NUP62CL: variants seen among roughly 807,000 people sequenced by gnomAD.
NUP62CL encodes nucleoporin-62 C-terminal-like protein.
NUP62CL carries 13 observed loss-of-function variants against 15.3 expected under a neutral mutation model. That is an observed-to-expected ratio of 0.85 (90% CI 0.55 to 1.35). NUP62CL has a LOEUF of 1.35. NUP62CL is among the 40% of genes most tolerant of loss of function. NUP62CL has a pLI of 0.00. For synonymous variants in NUP62CL, 54 were observed against 49.2 expected (o/e 1.10, Z -0.41); for missense variants, 123 against 130.6 (o/e 0.94, Z 0.28).
At chrX:107,201,007 A>AG (rs1303158229) in intron 1 of NUP62CL, among the ~76,000 whole-genome samples, 1 of 111,600 alleles carries the variant, frequency 9.0e-6, no homozygotes, top group African/African-American at 3.3e-5. Context: ...GTTGTCATAT[A>AG]AAGATCTCAA....
intron 7 of NUP62CL, among the ~76,000 whole-genome samples, chrX:107,149,045 A>T (rs1351913699): frequency 9.0e-6 from 1 of 111,726 alleles, no homozygotes; most frequent in Non-Finnish European, 1.9e-5. Context: ...TTACCCTTTA[A>T]TTGACTCATC....
chrX:107,160,613 C>G (rs1432634835), intron 4 of NUP62CL, among the ~76,000 whole-genome samples: 1 of 111,146 alleles, frequency 9.0e-6, no homozygotes, highest in Non-Finnish European at 1.9e-5. Context: ...TTCCTTACAC[C>G]TTATACAAAA....
chrX:107,195,152 C>T (rs890368573), intron 1 of NUP62CL, among the ~76,000 whole-genome samples: 3 of 111,201 alleles, frequency 2.7e-5, no homozygotes, highest in African/African-American at 9.8e-5. Flanking sequence ...ACTTCTATGC[C>T]ACCAGGAGCA....
chrX:107,158,970 T>G (rs1249932097), intron 4 of NUP62CL, among the ~76,000 whole-genome samples: 1 of 44,668 alleles, frequency 2.2e-5, no homozygotes, highest in Non-Finnish European at 3.2e-5. Flanking sequence ...CCCACAGAAA[T>G]ACAAACTACC....
chrX:107,183,364 A>C (rs1926962140), intron 2 of NUP62CL, among the ~76,000 whole-genome samples: 1 of 110,994 alleles, frequency 9.0e-6, no homozygotes, highest in African/African-American at 3.3e-5. Flanking sequence ...TGGGAGGCTG[A>C]GGTGGGAGGA....
At chrX:107,136,410 G>T (rs1212973516) in intron 8 of NUP62CL, among the ~76,000 whole-genome samples, 1 of 111,879 alleles carries the variant, frequency 8.9e-6, no homozygotes, top group Non-Finnish European at 1.9e-5. Flanking sequence ...AAACATTAAA[G>T]AAATTCCATT....
intron 4 of NUP62CL, among the ~76,000 whole-genome samples, chrX:107,164,394 T>C (rs947205370): frequency 9.1e-6 from 1 of 110,221 alleles, no homozygotes; most frequent in Non-Finnish European, 1.9e-5. Flanking sequence ...CGTTAAAAAA[T>C]AGGAAAAATC....
intron 8 of NUP62CL, among the ~76,000 whole-genome samples, chrX:107,140,132 A>G (rs1925732097): frequency 9.0e-6 from 1 of 111,579 alleles, no homozygotes; most frequent in African/African-American, 3.3e-5. Flanking sequence ...TAAAAAATAC[A>G]TTTCAAGGAA....
At chrX:107,129,161 CA>C (rs1925455163) in intron 8 of NUP62CL, among the ~76,000 whole-genome samples, 2 of 111,487 alleles carry the variant, frequency 1.8e-5, no homozygotes, top group South Asian at 3.8e-4. Context: ...AAGGAGACAA[CA>C]AAAAAACTAT....
At position 107,143,822 on chromosome X, in the gene NUP62CL, A is replaced by G. The variant is rs759828349; in HGVS notation, c.*42+3921T>C. 4.5e-5 allele frequency among the ~76,000 whole-genome samples: 5 copies of G among 112,039 alleles called. No individual in the cohort carries two copies. In the South Asian group the frequency reaches 1.9e-3, roughly 42 times the overall value. On this transcript the variant is annotated intron_variant, in intron 8 of 8. Coordinates refer to ENST00000372466, the MANE Select transcript of NUP62CL (RefSeq NM_017681.3). ...CAAAAAACTTTTCAGTCCACAGATC[A>G]TTTCAGCATACATGATCCAATTAAC...
chrX:107,151,335 T>C (rs778817003), intron 7 of NUP62CL, among the ~76,000 whole-genome samples: 8 of 111,707 alleles, frequency 7.2e-5, no homozygotes, highest in East Asian at 5.6e-4. Context: ...CAATATTCAA[T>C]AGATGCTGAG....
intron 1 of NUP62CL, among the ~76,000 whole-genome samples, chrX:107,196,727 G>A (rs1470869285): frequency 8.9e-6 from 1 of 112,362 alleles, no homozygotes; most frequent in Non-Finnish European, 1.9e-5. Flanking sequence ...TGGGATTACA[G>A]GTGTGAGCCA....
At chrX:107,166,788 A>G (rs1161680005) in intron 4 of NUP62CL, among the ~76,000 whole-genome samples, 1 of 111,756 alleles carries the variant, frequency 8.9e-6, no homozygotes, top group Non-Finnish European at 1.9e-5. Flanking sequence ...GTGGATCACA[A>G]GGAATTATGC....
chrX:107,164,723 A>T (rs755060144), intron 4 of NUP62CL, among the ~76,000 whole-genome samples: 15 of 112,673 alleles, frequency 1.3e-4, no homozygotes, highest in Admixed American at 4.7e-4. Flanking sequence ...AAAACAATAC[A>T]TTCATCAAAG....
At chrX:107,197,715 T>C (rs930803163) in intron 1 of NUP62CL, among the ~76,000 whole-genome samples, 4 of 109,918 alleles carry the variant, frequency 3.6e-5, no homozygotes, top group African/African-American at 1.3e-4. Context: ...GAATGTTCCC[T>C]ACCTGGCAGT....
intron 2 of NUP62CL, among the ~76,000 whole-genome samples, chrX:107,185,366 T>G (rs1927036457): frequency 9.0e-6 from 1 of 111,427 alleles, no homozygotes; most frequent in Non-Finnish European, 1.9e-5. Flanking sequence ...CTTAATTATG[T>G]TTGAAAGCTG....
At chrX:107,174,027 TTTTC>T (rs1273137040) in intron 3 of NUP62CL, among the ~76,000 whole-genome samples, 6 of 105,466 alleles carry the variant, frequency 5.7e-5, no homozygotes, top group East Asian at 3.1e-4. Context: ...CTTTTCTTTT[TTTTC>T]TTTCTTTCTC....
At chrX:107,147,238 T>C (rs957673035) in intron 8 of NUP62CL, among the ~76,000 whole-genome samples, 9 of 111,464 alleles carry the variant, frequency 8.1e-5, no homozygotes, top group Non-Finnish European at 1.7e-4. Flanking sequence ...AAAATTTCCC[T>C]GATGTTCCTT....
chrX:107,174,366 T>C (rs1320391603), intron 3 of NUP62CL, among the ~76,000 whole-genome samples: 2 of 109,459 alleles, frequency 1.8e-5, no homozygotes, highest in Non-Finnish European at 3.8e-5. Context: ...TTGCCCAGGC[T>C]GTTCTCAAAC....
Sources: allele counts gnomAD v4.1 joint callset (sites outside exome capture counted in the v4.1 genomes callset), GRCh38; gene constraint gnomAD v4.1.1; transcripts MANE v1.5; gene names NCBI Gene and HGNC (gene_info 2026-07-23, HGNC 2026-07-21).